Variants in DIP2C observed in about 807,000 individuals in gnomAD.
DIP2C encodes disco-interacting protein 2 homolog C.
A neutral mutation model predicts 192.4 loss-of-function variants in DIP2C; 33 were observed. That is an observed-to-expected ratio of 0.17 (90% CI 0.13 to 0.23). DIP2C has a LOEUF of 0.23. Ranked by LOEUF, DIP2C falls within the 10% of genes least tolerant of loss-of-function variation. The pLI is 1.00. For missense variants in DIP2C, 1,537 were observed against 2,110.1 expected (o/e 0.73, Z 5.32); for synonymous variants, 979 against 864.1 (o/e 1.13, Z -2.33).
intron 1 of DIP2C, among the ~76,000 whole-genome samples, chr10:576,194 T>A (rs1203197492): frequency 6.6e-6 from 1 of 152,154 alleles, no homozygotes; most frequent in Non-Finnish European, 1.5e-5. Context: ...TTATAAATGG[T>A]ATCAGTGGGG....
chr10:301,614 G>A (rs933701822), intron 32 of DIP2C, among the ~76,000 whole-genome samples: 3 of 152,364 alleles, frequency 2.0e-5, no homozygotes, highest in South Asian at 4.1e-4. Flanking sequence ...CAGTCTCTCT[G>A]GGATATGGAT....
intron 1 of DIP2C, among the ~76,000 whole-genome samples, chr10:616,807 G>A (rs918275264): frequency 1.3e-5 from 2 of 152,170 alleles, no homozygotes; most frequent in Non-Finnish European, 2.9e-5. Flanking sequence ...ACACAATTCT[G>A]ATGAAAATAT....
intron 7 of DIP2C, among the ~76,000 whole-genome samples, chr10:414,739 G>GTATGTATATATATATATATATATA (rs1554847955): frequency 1.1e-5 from 1 of 90,510 alleles, no homozygotes; most frequent in Non-Finnish European, 2.1e-5. Context: ...GTGTGTGTGT[G>GTATGTATATATATATATATATATA]TACATATATA....
chr10:586,870 A>T (rs1773522), intron 1 of DIP2C, among the ~76,000 whole-genome samples: 83,419 of 151,940 alleles, frequency 0.55, 24,826 homozygotes, highest in African/African-American at 0.8. Context: ...CCCCACAACA[A>T]GGTGGGGAGG....
At chr10:579,783 T>G (rs886587931) in intron 1 of DIP2C, among the ~76,000 whole-genome samples, 7 of 151,972 alleles carry the variant, frequency 4.6e-5, no homozygotes, top group Non-Finnish European at 1.0e-4. Flanking sequence ...CACATCCATA[T>G]CCATATAGCA....
chr10:498,755 G>A (rs527800062), intron 1 of DIP2C, among the ~76,000 whole-genome samples: 74 of 152,250 alleles, frequency 4.9e-4, no homozygotes, highest in African/African-American at 1.8e-3. Context: ...CACACCTCAG[G>A]ATGAGCCAGG....
chr10:518,083 G>GAC (rs1160370370), intron 1 of DIP2C, among the ~76,000 whole-genome samples: 6 of 152,226 alleles, frequency 3.9e-5, no homozygotes, highest in African/African-American at 1.2e-4. Flanking sequence ...TCACCAGCCT[G>GAC]ACAGCCACAC....
chr10:357,778 A>G, intron 23 of DIP2C, 50 bp downstream of exon 23: 2 of 1,414,172 alleles, frequency 1.4e-6, no homozygotes, highest in East Asian at 2.3e-5. Flanking sequence ...GGTCGGGGAC[A>G]GTCGGAAAAG....
At chr10:657,144 ACTGGACCTGACG>A (rs1856397242) in intron 1 of DIP2C, among the ~76,000 whole-genome samples, 1 of 107,064 alleles carries the variant, frequency 9.3e-6, no homozygotes, top group African/African-American at 3.6e-5. Flanking sequence ...TGGACCTGCC[ACTGGACCTGACG>A]CTGGACCTGA....
intron 12 of DIP2C, 62 bp from the exon 13 acceptor site, chr10:390,155 C>T: frequency 4.4e-6 from 7 of 1,589,032 alleles, no homozygotes; most frequent in Non-Finnish European, 6.0e-6. Flanking sequence ...TTTCTGGTTA[C>T]TTGAGGTTCT....
chr10:437,252 G>C (rs77200770), intron 4 of DIP2C, among the ~76,000 whole-genome samples: 26 of 99,544 alleles, frequency 2.6e-4, no homozygotes, highest in Middle Eastern at 9.3e-3. Context: ...CACACCTGAG[G>C]TCTCTCTGAG....
At chr10:282,151 TCAGA>T (rs1223861595) in intron 35 of DIP2C, 1 of 153,484 alleles carries the variant, frequency 6.5e-6, no homozygotes, top group Non-Finnish European at 1.4e-5. Flanking sequence ...CTAATTTAAA[TCAGA>T]CAAAGAAAGA....
At chr10:415,961 C>T in intron 6 of DIP2C, 73 bp from the exon 7 acceptor site, 2 of 1,597,988 alleles carry the variant, frequency 1.3e-6, no homozygotes, top group Non-Finnish European at 8.5e-7. Context: ...TCCCACAGTC[C>T]CACAGCCCCC....
intron 25 of DIP2C, 77 bp from the exon 26 acceptor site, chr10:348,839 T>C (rs1958649054): frequency 6.4e-7 from 1 of 1,569,200 alleles, no homozygotes; most frequent in Non-Finnish European, 8.6e-7. Context: ...GCATCAATGC[T>C]TGTCTGGGGC....
chr10:523,305 C>G (rs1171064392), intron 1 of DIP2C, among the ~76,000 whole-genome samples: 7 of 149,810 alleles, frequency 4.7e-5, no homozygotes, highest in Non-Finnish European at 5.9e-5. Flanking sequence ...TGCAGGGACT[C>G]TGTGTGACCC....
rs1441285900 is a variant in DIP2C at position 689,391 on chromosome 10, C to T, written c.85+103G>A. 3.0e-6 allele frequency: 2 copies of T among 664,480 alleles called. No homozygotes were observed. Among genetic ancestry groups the T allele is most frequent in the Non-Finnish European group, 3.7e-6 (2 of 534,278 alleles). The allele number at this position is 664,480 out of a possible 1,614,324, so 41.2% of individuals were successfully genotyped here. On this transcript the variant is annotated intron_variant, in intron 1 of 36. Coordinates refer to ENST00000280886, the MANE Select transcript of DIP2C (RefSeq NM_014974.3). The surrounding 1 kb of genome is among the most constrained non-coding windows in gnomAD (Gnocchi z 6.1). Reference sequence around the variant, plus strand: ...CGGGCTGGGGTCGCACCTCCCCCTCCGGGCCCGGCCCCCGCCCCGCCGCAG... The same window carrying T: ...CGGGCTGGGGTCGCACCTCCCCCTCTGGGCCCGGCCCCCGCCCCGCCGCAG...
intron 1 of DIP2C, among the ~76,000 whole-genome samples, chr10:616,109 T>A (rs1278668877): frequency 6.6e-6 from 1 of 152,160 alleles, no homozygotes; most frequent in African/African-American, 2.4e-5. Context: ...TTCACCCAGG[T>A]CATCCCTCAG....
intron 31 of DIP2C, chr10:324,988 G>C (rs777853719): frequency 1.5e-5 from 8 of 530,016 alleles, no homozygotes; most frequent in South Asian, 8.4e-5. Context: ...TTTTGGGGCT[G>C]GGCGTGGTGG....
intron 1 of DIP2C, among the ~76,000 whole-genome samples, chr10:550,566 C>G (rs1564840580): frequency 6.6e-6 from 1 of 152,112 alleles, no homozygotes; most frequent in African/African-American, 2.4e-5. Context: ...AATGTCAGTG[C>G]TATTACAACA....
Sources: gnomAD v4.1 joint callset for allele counts (sites outside exome capture counted in the v4.1 genomes callset) on GRCh38, gnomAD v4.1.1 for gene constraint, Gnocchi (gnomAD v3.1) non-coding constraint, MANE v1.5 for transcripts, NCBI Gene and HGNC (gene_info 2026-07-23, HGNC 2026-07-21) for gene names.